ENTPD3: variants seen among roughly 807,000 people sequenced by gnomAD.
The protein encoded by ENTPD3 is ectonucleoside triphosphate diphosphohydrolase 3.
Under a neutral mutation model 51.2 loss-of-function variants are expected in ENTPD3, and 60 were observed. The ratio of observed to expected loss-of-function variants is 1.17; its 90% CI spans 0.95 to 1.45. The LOEUF (loss-of-function observed/expected upper bound fraction) is 1.45, where lower values mean the gene tolerates loss of function less well. Among genes scored for constraint, ENTPD3 ranks in the 40% most tolerant of loss-of-function variants. The pLI is 0.00. For synonymous variants in ENTPD3, 221 were observed against 238.4 expected, an observed-to-expected ratio of 0.93 and a Z score of 0.67; for missense variants, 593 against 641.1, an observed-to-expected ratio of 0.93 and a Z score of 0.81.
chr3:40,405,660 G>C (rs1476179920), intron 4 of ENTPD3, among the ~76,000 whole-genome samples: 1 of 152,024 alleles, frequency 6.6e-6, no homozygotes, highest in African/African-American at 2.4e-5. Context: ...ATGGGACCAA[G>C]TATCCAAGTC....
At chr3:40,399,848 C>T (rs919939221) in intron 3 of ENTPD3, among the ~76,000 whole-genome samples, 2 of 152,194 alleles carry the variant, frequency 1.3e-5, no homozygotes, top group Non-Finnish European at 2.9e-5. Flanking sequence ...CCAGCAACAC[C>T]TGCCTGTTCA....
At position 40,427,803 on chromosome 3, in the gene ENTPD3, T is replaced by C; in HGVS notation, c.*295T>C. The stretch of plus-strand genomic sequence containing the variant: ...TATATTAAGTTCCCCAGAGGAAGAG[T>C]AAGTTGAGAAGGTATCAGTTTAATG... On this transcript the variant is annotated 3_prime_UTR_variant, in exon 11 of 11. Transcript: ENST00000301825. 2.4e-6 allele frequency: 1 copy of C among 410,552 alleles called. No individual in the cohort carries two copies. Among genetic ancestry groups the C allele is most frequent in the Admixed American group, 3.9e-5 (1 of 25,618 alleles). 25.4% of individuals were successfully genotyped at this position (410,552 alleles called of 1,614,324 possible). A position where few individuals can be genotyped will look rare whatever the true frequency, so the allele number is the denominator to read the frequency against.
Position 40,427,791 on chromosome 3 carries a change from C to T in ENTPD3, c.*283C>T. ...GGTCAGGCTCTTTATATTAAGTTCCCCAGAGGAAGAGTAAGTTGAGAAGGT... is the reference window on the plus strand; with the variant it reads ...GGTCAGGCTCTTTATATTAAGTTCCTCAGAGGAAGAGTAAGTTGAGAAGGT... On this transcript the variant is annotated 3_prime_UTR_variant, in exon 11 of 11. Coordinates refer to ENST00000301825, the MANE Select transcript of ENTPD3 (RefSeq NM_001248.4). 2.3e-6 allele frequency: 1 copy of T among 431,402 alleles called. No homozygotes were observed. The highest frequency in any genetic ancestry group is 4.2e-6 in the Non-Finnish European group (1 of 236,686). 26.7% of individuals were successfully genotyped at this position (431,402 alleles called of 1,614,324 possible).
intron 4 of ENTPD3, among the ~76,000 whole-genome samples, chr3:40,401,766 T>C (rs1955362928): frequency 6.6e-6 from 1 of 152,102 alleles, no homozygotes; most frequent in African/African-American, 2.4e-5. Flanking sequence ...ATGTAAAAAC[T>C]CTCTTAGCTC....
At chr3:40,390,060 A>G (rs1346402183) in intron 2 of ENTPD3, among the ~76,000 whole-genome samples, 1 of 152,118 alleles carries the variant, frequency 6.6e-6, no homozygotes, top group Non-Finnish European at 1.5e-5. Context: ...GCATTTTTTT[A>G]TTTTAATTAA....
chr3:40,393,494 T>C (rs946008954), intron 3 of ENTPD3, among the ~76,000 whole-genome samples: 1 of 152,178 alleles, frequency 6.6e-6, no homozygotes, highest in African/African-American at 2.4e-5. Flanking sequence ...GAAACTAATA[T>C]TGTTTTGGAC....
intron 7 of ENTPD3, among the ~76,000 whole-genome samples, chr3:40,417,822 T>G (rs1955781785): frequency 6.6e-6 from 1 of 152,180 alleles, no homozygotes; most frequent in East Asian, 1.9e-4. Context: ...CAATGCCTAA[T>G]GTCCTTTGCT....
Position 40,405,484 on chromosome 3 carries a change from G to C in ENTPD3, c.286+4473G>C, listed in dbSNP as rs1955469785. On this transcript the variant is annotated intron_variant, in intron 4 of 10. Transcript: ENST00000301825. ...CATGCCACTGCACTCCAGCCTGGGT[G>C]ACAGAGCGAGACTTCATTTCAAAAA... Among the ~76,000 whole-genome samples, 4 of 149,244 alleles carry C rather than the reference G, an allele frequency of 2.7e-5. No homozygotes were observed. In the South Asian group the frequency reaches 8.8e-4, roughly 33 times the overall value.
intron 4 of ENTPD3, among the ~76,000 whole-genome samples, chr3:40,403,946 G>A (rs1247632674): frequency 1.3e-5 from 2 of 152,156 alleles, no homozygotes; most frequent in Non-Finnish European, 2.9e-5. Context: ...ACTGCACCCA[G>A]CGGATATTTT....
intron 3 of ENTPD3, among the ~76,000 whole-genome samples, chr3:40,396,204 A>G (rs1383124818): frequency 6.6e-6 from 1 of 152,214 alleles, no homozygotes; most frequent in African/African-American, 2.4e-5. Flanking sequence ...GTGAGAAAAG[A>G]CAGATGTTCT....
chr3:40,415,146 T>C (rs1269236660), intron 6 of ENTPD3, among the ~76,000 whole-genome samples: 2 of 152,122 alleles, frequency 1.3e-5, no homozygotes, highest in Non-Finnish European at 2.9e-5. Context: ...GGGAGGGCAG[T>C]TGAAGAATAA....
At chr3:40,389,395 C>A (rs964373821) in intron 2 of ENTPD3, among the ~76,000 whole-genome samples, 2 of 152,214 alleles carry the variant, frequency 1.3e-5, no homozygotes, top group Non-Finnish European at 2.9e-5. Context: ...CAGGTCAACT[C>A]CATGGCAGTT....
At position 40,388,585 on chromosome 3, in the gene ENTPD3, G is replaced by GACACACACACACAC. The variant is rs55657804; in HGVS notation, c.40+515_40+528dup. On this transcript the variant is annotated intron_variant, in intron 2 of 10. Transcript: ENST00000301825. The stretch of plus-strand genomic sequence containing the variant: ...TCACACTGGAAGGCACACACACACA[G>GACACACACACACAC]ACACACACACACACACACACACACA... Among the ~76,000 whole-genome samples the GACACACACACACAC allele has an allele frequency of 4.1e-3, 517 of 126,264 alleles. 8 individuals carry two copies. The highest frequency in any genetic ancestry group is 6.0e-3 in the Non-Finnish European group (346 of 57,944). 82.8% of individuals were successfully genotyped at this position (126,264 alleles called of 152,430 possible).
chr3:40,394,430 G>A (rs1166157417), intron 3 of ENTPD3: 1 of 202,364 alleles, frequency 4.9e-6, no homozygotes, highest in African/African-American at 2.4e-5. Flanking sequence ...CCGCAACTAA[G>A]AGTAATATCT....
rs1420702886 is a variant in ENTPD3 at position 40,427,923 on chromosome 3, A to G, written c.*415A>G. ...TAAGCATTTCGCCAATCAGAATCTC[A>G]TTTTATAGTTTTTCCCATTGGTCTT... On this transcript the variant is annotated 3_prime_UTR_variant, in exon 11 of 11. Transcript: ENST00000301825. 1 of 204,738 alleles carries G rather than the reference A, an allele frequency of 4.9e-6. No homozygotes were observed. Among genetic ancestry groups the G allele is most frequent in the African/African-American group, 2.3e-5 (1 of 43,246 alleles). 12.7% of individuals were successfully genotyped at this position (204,738 alleles called of 1,614,324 possible).
intron 10 of ENTPD3, 60 bp from the exon 11 acceptor site, chr3:40,427,212 G>A (rs1575237960): frequency 7.5e-7 from 1 of 1,341,734 alleles, no homozygotes; most frequent in Non-Finnish European, 1.1e-6. Context: ...TATGACTCCG[G>A]TATGTGATTG....
chr3:40,423,376 A>G lies in ENTPD3; in HGVS notation c.1190A>G (p.Asn397Ser). The change falls in exon 9 of 11, where the codon AAT (asparagine) becomes AGT (serine). Residue 397 changes from asparagine (N) to serine (S), a missense_variant. Physicochemically the swap from Asn to Ser is conservative, Grantham distance 46 (BLOSUM62 1). Coordinates refer to ENST00000301825, the MANE Select transcript of ENTPD3 (RefSeq NM_001248.4). ...GACACCTTCAACTCCAGCACCTGGA[A>G]TTTCTGCTCACAGAATTGGAGTCAG... ...SLDTFNSSTW[N>S]FCSQNWSQLP... 6.2e-7 allele frequency: 1 copy of G among 1,613,390 alleles called. No individual in the cohort carries two copies. The highest frequency in any genetic ancestry group is 8.5e-7 in the Non-Finnish European group (1 of 1,179,340).
In ENTPD3 at chr3:40,427,433, T is replaced by G; in HGVS notation, c.1515T>G (p.Leu505=). Reference sequence around the variant, plus strand: ...CAGCCTTGCTGTGTCTGGCATTTCTTGCATACCTGTGTTCAGCAACCAGAA... The same window carrying G: ...CAGCCTTGCTGTGTCTGGCATTTCTGGCATACCTGTGTTCAGCAACCAGAA... ...TAAALLCLAF[L]AYLCSATRRK... is the part of the protein sequence containing the mutation. Residue 505 remains leucine, a synonymous_variant, in exon 11 of 11, where the codon CTT becomes CTG. Coordinates refer to ENST00000301825, the MANE Select transcript of ENTPD3 (RefSeq NM_001248.4). 6.2e-7 allele frequency: 1 copy of G among 1,613,582 alleles called. No individual in the cohort carries two copies. The highest frequency in any genetic ancestry group is 8.5e-7 in the Non-Finnish European group (1 of 1,180,030).
In ENTPD3 at chr3:40,392,151, G is replaced by GT; in HGVS notation, c.168+2dup. On this transcript the variant is annotated splice_donor_variant, in intron 3 of 10. Transcript: ENST00000301825. LOFTEE classifies it high-confidence loss of function. ...AGAGGTCCTCCCTCCAGGACTGAAG[G>GT]TAAGTGTGAAGGGACTGGCAACAAA... is the stretch of plus-strand genomic sequence containing the variant. 6.2e-7 allele frequency: 1 copy of GT among 1,613,952 alleles called. No homozygotes were observed. The highest frequency in any genetic ancestry group is 8.5e-7 in the Non-Finnish European group (1 of 1,179,924).
Sources: allele counts gnomAD v4.1 joint callset (sites outside exome capture counted in the v4.1 genomes callset), GRCh38; gene constraint gnomAD v4.1.1; transcripts MANE v1.5; gene names NCBI Gene and HGNC (gene_info 2026-07-23, HGNC 2026-07-21).